The following TLN2 variants were observed in gnomAD, a reference collection of about 807,000 sequenced individuals.
TLN2 encodes talin-2.
TLN2 carries 118 observed loss-of-function variants against 294.7 expected under a neutral mutation model. That is an observed-to-expected ratio of 0.40 (90% CI 0.34 to 0.47). The LOEUF (loss-of-function observed/expected upper bound fraction) is 0.47, where lower values mean the gene tolerates loss of function less well. TLN2 is among the 20% of genes least tolerant of loss of function. TLN2 has a pLI of 0.84. For missense variants in TLN2, 3,083 were observed against 3,282.2 expected (o/e 0.94, Z 1.48); for synonymous variants, 1,431 against 1,304.5 (o/e 1.10, Z -2.09).
chr15:62,621,653 G>A (rs1459959320), intron 3 of TLN2, among the ~76,000 whole-genome samples: 2 of 152,180 alleles, frequency 1.3e-5, no homozygotes, highest in Non-Finnish European at 2.9e-5. Flanking sequence ...ATGTTACTGA[G>A]CTCCTGCAGT....
chr15:62,661,645 CAG>C (rs1208871591), intron 9 of TLN2, among the ~76,000 whole-genome samples: 3 of 152,154 alleles, frequency 2.0e-5, no homozygotes, highest in Admixed American at 6.5e-5. Context: ...AATTAATAAA[CAG>C]AGATTCTCAT....
intron 1 of TLN2, among the ~76,000 whole-genome samples, chr15:62,552,219 C>G (rs1365958388): frequency 1.3e-5 from 2 of 152,184 alleles, no homozygotes; most frequent in Non-Finnish European, 2.9e-5. Flanking sequence ...TTAGCAGAGA[C>G]AAGAAAGCCT....
At chr15:62,557,974 T>C (rs1026731764) in intron 1 of TLN2, among the ~76,000 whole-genome samples, 8 of 152,256 alleles carry the variant, frequency 5.3e-5, no homozygotes, top group Non-Finnish European at 7.3e-5. Flanking sequence ...CTCAGTGGAC[T>C]GCAGGGTTGT....
At chr15:62,631,008 C>A (rs1464879854) in intron 3 of TLN2, among the ~76,000 whole-genome samples, 1 of 152,002 alleles carries the variant, frequency 6.6e-6, no homozygotes, top group Admixed American at 6.6e-5. Flanking sequence ...TTTGAATAAG[C>A]CATTTTTTTT....
intron 1 of TLN2, among the ~76,000 whole-genome samples, chr15:62,461,770 G>T (rs564830428): frequency 2.0e-5 from 3 of 152,202 alleles, no homozygotes; most frequent in African/African-American, 7.2e-5. Flanking sequence ...TACTCCATGC[G>T]AGGGGAAGAG....
In TLN2 at chr15:62,720,544, C is replaced by T. The variant is rs763079885; in HGVS notation, c.2991+664C>T. On this transcript the variant is annotated intron_variant, in intron 25 of 58. Coordinates refer to ENST00000636159, the MANE Select transcript of TLN2 (RefSeq NM_015059.3). ...ATAGTTGTAGGACCCAGTGATACAT[C>T]TATTTGGTTCATTTTTCAAGTTATA... Among the ~76,000 whole-genome samples the T allele has an allele frequency of 1.4e-4, 21 of 152,034 alleles. 1 individual carries two copies. The highest frequency in any genetic ancestry group is 6.2e-4 in the South Asian group (3 of 4,804).
At chr15:62,835,217 G>A (rs918556492) in intron 55 of TLN2, 2 of 154,594 alleles carry the variant, frequency 1.3e-5, no homozygotes, top group African/African-American at 2.4e-5. Context: ...TCCCACCCCT[G>A]ACAAATGGTA....
chr15:62,704,596 C>T (rs551122819), intron 19 of TLN2, among the ~76,000 whole-genome samples: 3 of 152,288 alleles, frequency 2.0e-5, no homozygotes, highest in Admixed American at 2.0e-4. Context: ...TCATATCCTG[C>T]AGTGCAATAA....
chr15:62,520,459 G>T (rs1285503762), intron 1 of TLN2, among the ~76,000 whole-genome samples: 1 of 152,190 alleles, frequency 6.6e-6, no homozygotes, highest in Non-Finnish European at 1.5e-5. Flanking sequence ...GTACATATAT[G>T]CACAGGCATA....
At chr15:62,516,143 G>A (rs2040180369) in intron 1 of TLN2, among the ~76,000 whole-genome samples, 1 of 152,340 alleles carries the variant, frequency 6.6e-6, no homozygotes. Context: ...ACTTGTGCAA[G>A]TAGAGACCAT....
chr15:62,653,378 C>T, intron 7 of TLN2, 64 bp downstream of exon 7: 2 of 1,533,278 alleles, frequency 1.3e-6, no homozygotes, highest in Non-Finnish European at 1.8e-6. Context: ...ACTTCCCTCC[C>T]ACCATCCATA....
chr15:62,662,906 C>T (rs548079602), intron 9 of TLN2, among the ~76,000 whole-genome samples: 3 of 140,358 alleles, frequency 2.1e-5, no homozygotes, highest in Non-Finnish European at 4.6e-5. Flanking sequence ...TCACTGCAAG[C>T]TCTGCCTCCC....
At chr15:62,572,340 A>G (rs2043947779) in intron 1 of TLN2, among the ~76,000 whole-genome samples, 1 of 152,110 alleles carries the variant, frequency 6.6e-6, no homozygotes, top group Admixed American at 6.5e-5. Context: ...TCCTGGGAAC[A>G]AGTGATCCTT....
chr15:62,676,880 G>A (rs569861338), intron 11 of TLN2, among the ~76,000 whole-genome samples: 1 of 152,320 alleles, frequency 6.6e-6, no homozygotes, highest in African/African-American at 2.4e-5. Context: ...CTCCCAAAGT[G>A]CTAGTATTAC....
intron 1 of TLN2, among the ~76,000 whole-genome samples, chr15:62,475,512 C>T (rs2037736880): frequency 6.6e-6 from 1 of 152,152 alleles, no homozygotes; most frequent in Non-Finnish European, 1.5e-5. Context: ...CTTTAAAATG[C>T]ATGATTTTTT....
At chr15:62,572,787 A>C (rs2044001757) in intron 1 of TLN2, among the ~76,000 whole-genome samples, 1 of 141,458 alleles carries the variant, frequency 7.1e-6, no homozygotes, top group African/African-American at 2.6e-5. Flanking sequence ...ACCCCCACTG[A>C]CCCTGGGTCT....
At chr15:62,810,880 A>G (rs1460638642) in intron 52 of TLN2, among the ~76,000 whole-genome samples, 3 of 152,216 alleles carry the variant, frequency 2.0e-5, no homozygotes, top group Non-Finnish European at 4.4e-5. Flanking sequence ...AAGAGATCCA[A>G]CAGGCCACCT....
chr15:62,683,206 G>C (rs1347417490), intron 11 of TLN2: 1 of 152,350 alleles, frequency 6.6e-6, no homozygotes, highest in Non-Finnish European at 1.5e-5. Context: ...GGAGCCAGAA[G>C]CTCAGTCCAG....
intron 3 of TLN2, among the ~76,000 whole-genome samples, chr15:62,639,746 T>TCAGG (rs1454732562): frequency 3.3e-5 from 5 of 151,638 alleles, no homozygotes; most frequent in African/African-American, 1.2e-4. Context: ...GCCTCTCCAC[T>TCAGG]CAGGCCCTGC....
Sources: allele counts gnomAD v4.1 joint callset (sites outside exome capture counted in the v4.1 genomes callset), GRCh38; gene constraint gnomAD v4.1.1; transcripts MANE v1.5; gene names NCBI Gene and HGNC (gene_info 2026-07-23, HGNC 2026-07-21).